GTF2I: variants seen among roughly 807,000 people sequenced by gnomAD.
GTF2I encodes the protein general transcription factor IIi.
Under a neutral mutation model 67.6 loss-of-function variants are expected in GTF2I, and 12 were observed. That is an observed-to-expected ratio of 0.18 (90% CI 0.11 to 0.29). The LOEUF (loss-of-function observed/expected upper bound fraction) is 0.29, where lower values mean the gene tolerates loss of function less well. GTF2I is among the 10% of genes least tolerant of loss of function. The probability of loss-of-function intolerance (pLI) is 1.00; values close to 1 mark genes in which losing one functional copy is unlikely to be tolerated. For synonymous variants in GTF2I, 149 were observed against 197.0 expected (o/e 0.76, Z 2.04); for missense variants, 271 against 580.1 (o/e 0.47, Z 5.47).
chr7:74,695,931 C>A (rs1788848590), intron 3 of GTF2I, among the ~76,000 whole-genome samples: 1 of 152,058 alleles, frequency 6.6e-6, no homozygotes, highest in Non-Finnish European at 1.5e-5. Context: ...ATTAAGGGCG[C>A]TGTCCTCAGC....
At chr7:74,699,187 A>AT (rs1789383437) in intron 4 of GTF2I, 92 bp downstream of exon 4, 1 of 592,630 alleles carries the variant, frequency 1.7e-6, no homozygotes, top group East Asian at 3.4e-5. Context: ...AAAATCATAT[A>AT]ACACACATTT....
At chr7:74,677,627 A>AG (rs1806011132) in intron 1 of GTF2I, among the ~76,000 whole-genome samples, 1 of 151,682 alleles carries the variant, frequency 6.6e-6, no homozygotes, top group South Asian at 2.1e-4. Flanking sequence ...ACTAAAAAAA[A>AG]GAAAATTAGC....
intron 19 of GTF2I, among the ~76,000 whole-genome samples, chr7:74,741,080 T>A (rs1457831556): frequency 5.5e-5 from 2 of 36,040 alleles, no homozygotes; most frequent in African/African-American, 2.5e-4. Flanking sequence ...GTTTGTTTTT[T>A]AAATTTTGAT....
At chr7:74,709,424 CATTT>C (rs1197531868) in intron 8 of GTF2I, among the ~76,000 whole-genome samples, 15 of 151,730 alleles carry the variant, frequency 9.9e-5, no homozygotes, top group Non-Finnish European at 1.6e-4. Flanking sequence ...TTGTATTATT[CATTT>C]ATTTATTTTA....
intron 12 of GTF2I, among the ~76,000 whole-genome samples, chr7:74,719,150 C>T (rs1051027670): frequency 6.6e-5 from 10 of 152,112 alleles, no homozygotes; most frequent in Non-Finnish European, 1.3e-4. Context: ...CATTGGCCCA[C>T]GGGTGGCCCA....
chr7:74,658,844 A>G (rs1804200381), intron 1 of GTF2I, among the ~76,000 whole-genome samples: 1 of 152,112 alleles, frequency 6.6e-6, no homozygotes, highest in South Asian at 2.1e-4. Flanking sequence ...TTCAGCCAGC[A>G]CCCAGACGAC....
At chr7:74,666,316 A>G (rs1367902567) in intron 1 of GTF2I, among the ~76,000 whole-genome samples, 1 of 152,218 alleles carries the variant, frequency 6.6e-6, no homozygotes, top group East Asian at 1.9e-4. Flanking sequence ...AAGAAAATAA[A>G]TAAGGTATTG....
chr7:74,723,873 G>T (rs1554405154), intron 12 of GTF2I, among the ~76,000 whole-genome samples: 1 of 151,334 alleles, frequency 6.6e-6, no homozygotes, highest in African/African-American at 2.4e-5. Flanking sequence ...AAAAAGAGAA[G>T]ACCTAGAGCA....
intron 1 of GTF2I, among the ~76,000 whole-genome samples, chr7:74,667,405 A>G (rs894405421): frequency 1.3e-5 from 2 of 152,164 alleles, no homozygotes; most frequent in Admixed American, 1.3e-4. Flanking sequence ...TGTGTCTGCC[A>G]TTTACACCGT....
chr7:74,678,886 G>T lies in GTF2I; in HGVS notation c.-5-10238G>T, dbSNP rs750727867. On this transcript the variant is annotated intron_variant, in intron 1 of 34. Transcript: ENST00000573035. ...TCCCGGGTTCAAGCAATTCTCCTGCGTCAGCCTCCTGAGTAGCTGGGAATC... is the reference window on the plus strand; with the variant it reads ...TCCCGGGTTCAAGCAATTCTCCTGCTTCAGCCTCCTGAGTAGCTGGGAATC... Among the ~76,000 whole-genome samples, 41 of 141,702 alleles carry T rather than the reference G, an allele frequency of 2.9e-4. 1 individual carries two copies. Among genetic ancestry groups the T allele is most frequent in the Non-Finnish European group, 6.2e-4 (40 of 64,804 alleles). 93.0% of individuals were successfully genotyped at this position (141,702 alleles called of 152,430 possible). A position where few individuals can be genotyped will look rare whatever the true frequency, so the allele number is the denominator to read the frequency against.
intron 1 of GTF2I, among the ~76,000 whole-genome samples, chr7:74,679,695 C>T (rs1787046182): frequency 6.6e-6 from 1 of 152,050 alleles, no homozygotes; most frequent in South Asian, 2.1e-4. Context: ...ACCTTGGCCT[C>T]CCAAAATGCT....
intron 3 of GTF2I, among the ~76,000 whole-genome samples, chr7:74,696,022 C>G (rs376695484): frequency 8.0e-5 from 12 of 150,632 alleles, no homozygotes; most frequent in Non-Finnish European, 4.4e-5. Context: ...TAAGGAGTCT[C>G]GCCCTGTCAC....
chr7:74,658,503 G>C (rs587645074), intron 1 of GTF2I, among the ~76,000 whole-genome samples: 2 of 148,332 alleles, frequency 1.3e-5, no homozygotes, highest in African/African-American at 4.9e-5. Context: ...TGGCCGGCTA[G>C]GCGGTGCGGG....
intron 1 of GTF2I, among the ~76,000 whole-genome samples, chr7:74,676,538 T>C (rs1446430117): frequency 6.6e-6 from 1 of 152,086 alleles, no homozygotes; most frequent in African/African-American, 2.4e-5. Context: ...AAACAAATGG[T>C]AGTATCTTGA....
At chr7:74,710,334 C>CA (rs1554402282) in intron 8 of GTF2I, among the ~76,000 whole-genome samples, 2 of 150,858 alleles carry the variant, frequency 1.3e-5, no homozygotes, top group Non-Finnish European at 3.0e-5. Flanking sequence ...ATTTCTTTTT[C>CA]TTTTTTTTTG....
intron 8 of GTF2I, among the ~76,000 whole-genome samples, chr7:74,709,139 A>G (rs1451105354): frequency 3.9e-5 from 6 of 152,256 alleles, no homozygotes; most frequent in Non-Finnish European, 8.8e-5. Flanking sequence ...CAAGCATATA[A>G]TCTTCACACA....
At chr7:74,677,781 C>CAAAAAA (rs67938540) in intron 1 of GTF2I, among the ~76,000 whole-genome samples, 9 of 72,150 alleles carry the variant, frequency 1.2e-4, no homozygotes, top group Middle Eastern at 0.013. Context: ...GATTCTGTCT[C>CAAAAAA]AAAAAAAAAA....
In GTF2I at chr7:74,657,736, G is replaced by C. The variant is rs1422477828; in HGVS notation, c.-338G>C. ...GGAGGGTGAGAGAGAAGCTGGGAGA[G>C]CAGAGAAAAGGGGCCACCGGTCGCC... On this transcript the variant is annotated 5_prime_UTR_variant, in exon 1 of 35. Transcript: ENST00000573035. 6.7e-6 allele frequency: 1 copy of C among 149,626 alleles called. No homozygotes were observed. The highest frequency in any genetic ancestry group is 2.5e-5 in the African/African-American group (1 of 40,740). 9.3% of individuals were successfully genotyped at this position (149,626 alleles called of 1,614,324 possible).
intron 10 of GTF2I, among the ~76,000 whole-genome samples, chr7:74,716,402 AAT>A (rs1392146452): frequency 2.6e-5 from 4 of 152,268 alleles, no homozygotes; most frequent in Admixed American, 2.6e-4. Context: ...ACTTTGATGA[AAT>A]TATGGGGATT....
Sources: allele counts gnomAD v4.1 joint callset (sites outside exome capture counted in the v4.1 genomes callset), GRCh38; gene constraint gnomAD v4.1.1; transcripts MANE v1.5; gene names NCBI Gene and HGNC (gene_info 2026-07-23, HGNC 2026-07-21).